Variants in ITGA8 observed in about 807,000 individuals in gnomAD.
ITGA8 encodes the protein integrin alpha-8.
In ITGA8, 91 loss-of-function variants were observed where a neutral mutation model predicts 142.3. That is an observed-to-expected ratio of 0.64 (90% CI 0.54 to 0.76). The LOEUF is 0.76. Ranked by LOEUF, ITGA8 falls within the 30% of genes least tolerant of loss-of-function variation. The pLI, the probability that ITGA8 is intolerant of heterozygous loss-of-function variation, is 0.00. For synonymous variants in ITGA8, 505 were observed against 485.2 expected, an observed-to-expected ratio of 1.04 and a Z score of -0.54; for missense variants, 1,406 against 1,327.7, an observed-to-expected ratio of 1.06 and a Z score of -0.92.
chr10:15,645,799 T>A (rs1035032105), intron 12 of ITGA8, among the ~76,000 whole-genome samples: 4 of 152,164 alleles, frequency 2.6e-5, no homozygotes, highest in Non-Finnish European at 4.4e-5. Flanking sequence ...CATTTTCAGG[T>A]CCTGAAAATG....
chr10:15,604,009 T>C (rs1833149026), intron 20 of ITGA8, among the ~76,000 whole-genome samples, 199 bp downstream of exon 20: 1 of 152,182 alleles, frequency 6.6e-6, no homozygotes, highest in Non-Finnish European at 1.5e-5. Context: ...ATCTTTGCAC[T>C]GTGGCAAAGA....
intron 8 of ITGA8, among the ~76,000 whole-genome samples, chr10:15,665,513 C>T (rs369250107): frequency 4.6e-5 from 7 of 152,016 alleles, no homozygotes; most frequent in African/African-American, 7.2e-5. Flanking sequence ...AGAAGCTCTT[C>T]AGTTTAATTA....
At chr10:15,545,162 G>T (rs1439376281) in intron 27 of ITGA8, among the ~76,000 whole-genome samples, 1 of 152,212 alleles carries the variant, frequency 6.6e-6, no homozygotes, top group Non-Finnish European at 1.5e-5. Flanking sequence ...ACAGGGTTCA[G>T]AACAGAACTC....
intron 5 of ITGA8, 50 bp downstream of exon 5, chr10:15,678,671 TA>T (rs750024771): frequency 5.3e-4 from 656 of 1,244,398 alleles, no homozygotes; most frequent in South Asian, 6.0e-4. Flanking sequence ...AGGCAGAGGG[TA>T]AAAAAAAATC....
At chr10:15,615,905 A>T (rs952787437) in intron 14 of ITGA8, among the ~76,000 whole-genome samples, 1 of 152,192 alleles carries the variant, frequency 6.6e-6, no homozygotes, top group Non-Finnish European at 1.5e-5. Flanking sequence ...TTCTCACTGA[A>T]TGCTTTGAAC....
chr10:15,646,817 A>C, intron 12 of ITGA8, 29 bp downstream of exon 12: 1 of 1,575,384 alleles, frequency 6.3e-7, no homozygotes, highest in Non-Finnish European at 8.7e-7. Context: ...ACGACACATA[A>C]ATGACTTCCA....
intron 18 of ITGA8, among the ~76,000 whole-genome samples, chr10:15,606,048 T>C (rs1196331630): frequency 6.6e-6 from 1 of 152,194 alleles, no homozygotes; most frequent in Non-Finnish European, 1.5e-5. Flanking sequence ...ACAGGCTGTA[T>C]TGCTTCCATT....
At chr10:15,675,286 C>T (rs1834606082) in intron 6 of ITGA8, among the ~76,000 whole-genome samples, 2 of 152,188 alleles carry the variant, frequency 1.3e-5, no homozygotes, top group South Asian at 4.1e-4. Flanking sequence ...CTTCCCTCTC[C>T]AGGCCACTCT....
chr10:15,635,603 C>A (rs1009229219), intron 13 of ITGA8, among the ~76,000 whole-genome samples: 1 of 151,708 alleles, frequency 6.6e-6, no homozygotes, highest in African/African-American at 2.4e-5. Flanking sequence ...CAAGAGCTCT[C>A]CCAGTTGAAT....
chr10:15,555,975 T>C (rs1394683054), intron 26 of ITGA8, among the ~76,000 whole-genome samples: 4 of 147,146 alleles, frequency 2.7e-5, no homozygotes, highest in Admixed American at 2.1e-4. Context: ...CCCTTTCTTA[T>C]TACTCATTTG....
chr10:15,613,674 C>T lies in ITGA8; in HGVS notation c.1539G>A (p.Met513Ile), dbSNP rs763998623. ...ENKTCQVPDSMTSAACFSLRV... is the reference protein window; with the variant it reads ...ENKTCQVPDSITSAACFSLRV... ...GACTAACTCACCAGGCAGCAGATGT[C>T]ATAGAGTCTGGAACCTGGCAAGTTT... The change falls in exon 15 of 30, where the codon ATG (methionine) becomes ATA (isoleucine). Residue 513 changes from methionine (M) to isoleucine (I), a missense_variant. Coordinates refer to ENST00000378076, the MANE Select transcript of ITGA8 (RefSeq NM_003638.3). The T allele has an allele frequency of 6.2e-7, 1 of 1,611,808 alleles. No individual in the cohort carries two copies. Among genetic ancestry groups the T allele is most frequent in the Non-Finnish European group, 8.5e-7 (1 of 1,177,922 alleles).
At chr10:15,555,044 C>T (rs1208649044) in intron 26 of ITGA8, among the ~76,000 whole-genome samples, 6 of 152,224 alleles carry the variant, frequency 3.9e-5, no homozygotes, top group East Asian at 3.9e-4. Flanking sequence ...TGATAGCTAC[C>T]GTGAATTATT....
At chr10:15,538,027 C>T (rs763096051) in intron 27 of ITGA8, among the ~76,000 whole-genome samples, 2 of 151,782 alleles carry the variant, frequency 1.3e-5, no homozygotes, top group Admixed American at 1.3e-4. Context: ...TAGTCCCAGA[C>T]AATCAGAAGG....
At chr10:15,563,937 A>T (rs1045868872) in intron 25 of ITGA8, among the ~76,000 whole-genome samples, 15 of 152,064 alleles carry the variant, frequency 9.9e-5, no homozygotes, top group Non-Finnish European at 2.9e-5. Flanking sequence ...AAAAAACAAA[A>T]ACCAATACCC....
chr10:15,714,812 A>T (rs1434248339), intron 2 of ITGA8, among the ~76,000 whole-genome samples: 1 of 152,220 alleles, frequency 6.6e-6, no homozygotes, highest in Non-Finnish European at 1.5e-5. Context: ...TGTCTCCTTC[A>T]AAGTCTAAGC....
chr10:15,616,600 T>C (rs528946429), intron 13 of ITGA8, 41 bp from the exon 14 acceptor site: 2 of 1,547,470 alleles, frequency 1.3e-6, no homozygotes, highest in Non-Finnish European at 1.8e-6. Flanking sequence ...GTGAATCGTA[T>C]AGAAACAATT....
chr10:15,661,548 G>A (rs1050103221), intron 8 of ITGA8, among the ~76,000 whole-genome samples: 5 of 152,142 alleles, frequency 3.3e-5, no homozygotes, highest in African/African-American at 7.2e-5. Flanking sequence ...TCTTCATTAC[G>A]AGTCTCTCTG....
At chr10:15,592,946 A>G (rs913716870) in intron 21 of ITGA8, among the ~76,000 whole-genome samples, 4 of 152,236 alleles carry the variant, frequency 2.6e-5, no homozygotes, top group Non-Finnish European at 5.9e-5. Flanking sequence ...TTATGTAGTC[A>G]TTGAAATTAT....
At chr10:15,572,415 G>C (rs778409333) in intron 24 of ITGA8, 46 bp from the exon 25 acceptor site, 1 of 1,582,762 alleles carries the variant, frequency 6.3e-7, no homozygotes, top group Non-Finnish European at 8.6e-7. Flanking sequence ...AGAAGGCAGA[G>C]AGATAAAATC....
Sources: gnomAD v4.1 joint callset for allele counts (sites outside exome capture counted in the v4.1 genomes callset) on GRCh38, gnomAD v4.1.1 for gene constraint, MANE v1.5 for transcripts, NCBI Gene and HGNC (gene_info 2026-07-23, HGNC 2026-07-21) for gene names.